Variants in AGBL4 observed in about 807,000 individuals in gnomAD.
AGBL4 encodes cytosolic carboxypeptidase 6.
A neutral mutation model predicts 66.4 loss-of-function variants in AGBL4; 58 were observed. The observed-to-expected ratio is 0.87, with a 90% CI of 0.71 to 1.09. AGBL4 has a LOEUF of 1.09. AGBL4 is among the 50% of genes least tolerant of loss of function. The pLI is 0.00. For synonymous variants in AGBL4, 234 were observed against 222.9 expected, an observed-to-expected ratio of 1.05 and a Z score of -0.44; for missense variants, 579 against 631.0, an observed-to-expected ratio of 0.92 and a Z score of 0.88.
At chr1:49,062,041 G>A (rs1392637581) in intron 4 of AGBL4, among the ~76,000 whole-genome samples, 5 of 152,124 alleles carry the variant, frequency 3.3e-5, no homozygotes, top group African/African-American at 1.2e-4. Context: ...TCATAGGAGT[G>A]CAAACCCTAT....
intron 3 of AGBL4, among the ~76,000 whole-genome samples, chr1:49,604,465 G>T (rs979211260): frequency 2.0e-5 from 3 of 152,102 alleles, no homozygotes; most frequent in Non-Finnish European, 2.9e-5. Context: ...ATAGATACTG[G>T]ATATTAGTCT....
At chr1:49,859,443 A>G (rs1646515303) in intron 1 of AGBL4, among the ~76,000 whole-genome samples, 1 of 152,172 alleles carries the variant, frequency 6.6e-6, no homozygotes, top group Non-Finnish European at 1.5e-5. Context: ...AAATCAATTA[A>G]TGTAATTCAC....
At chr1:48,689,148 G>A (rs1342853015) in intron 6 of AGBL4, among the ~76,000 whole-genome samples, 4 of 146,508 alleles carry the variant, frequency 2.7e-5, no homozygotes, top group African/African-American at 1.0e-4. Flanking sequence ...TTAAACCCAA[G>A]AGATGGAGGT....
chr1:49,029,681 C>A (rs917310092), intron 5 of AGBL4, among the ~76,000 whole-genome samples: 1 of 151,976 alleles, frequency 6.6e-6, no homozygotes, highest in Non-Finnish European at 1.5e-5. Context: ...ATAAGGTGAT[C>A]CTAAAATTCA....
chr1:49,246,628 T>C (rs987659865), intron 3 of AGBL4, among the ~76,000 whole-genome samples: 5 of 151,632 alleles, frequency 3.3e-5, no homozygotes, highest in East Asian at 1.9e-4. Flanking sequence ...TCCAAGAGGA[T>C]AGTATAATTT....
intron 5 of AGBL4, among the ~76,000 whole-genome samples, chr1:49,034,153 C>T (rs1037544109): frequency 6.6e-6 from 1 of 152,036 alleles, no homozygotes; most frequent in Non-Finnish European, 1.5e-5. Context: ...ATTCATCATA[C>T]CATTAAACTA....
chr1:49,900,921 T>G (rs1349273064), intron 1 of AGBL4, among the ~76,000 whole-genome samples: 2 of 152,204 alleles, frequency 1.3e-5, no homozygotes, highest in African/African-American at 2.4e-5. Flanking sequence ...TTACAGATAC[T>G]TTTTTTAGAG....
chr1:48,827,487 G>A (rs1209608515), intron 6 of AGBL4, among the ~76,000 whole-genome samples: 1 of 152,150 alleles, frequency 6.6e-6, no homozygotes, highest in East Asian at 1.9e-4. Context: ...GAAAGCTCTG[G>A]TCTTGTGTCT....
At chr1:48,848,840 C>T (rs940522233) in intron 6 of AGBL4, among the ~76,000 whole-genome samples, 15 of 152,160 alleles carry the variant, frequency 9.9e-5, no homozygotes, top group East Asian at 1.9e-4. Flanking sequence ...GACCTGTGTG[C>T]GCACAGATCC....
At chr1:49,010,498 A>G (rs1433202963) in intron 5 of AGBL4, among the ~76,000 whole-genome samples, 1 of 138,572 alleles carries the variant, frequency 7.2e-6, no homozygotes, top group Non-Finnish European at 1.5e-5. Context: ...CAAGCTACCA[A>G]TGCCTTTCTT....
At chr1:49,760,566 G>A (rs1323237557) in intron 2 of AGBL4, among the ~76,000 whole-genome samples, 1 of 152,162 alleles carries the variant, frequency 6.6e-6, no homozygotes, top group African/African-American at 2.4e-5. Flanking sequence ...CTCTTACATT[G>A]TTGGTGGAAA....
chr1:49,450,753 T>G (rs912069883), intron 3 of AGBL4, among the ~76,000 whole-genome samples: 2 of 152,016 alleles, frequency 1.3e-5, no homozygotes, highest in Admixed American at 6.6e-5. Flanking sequence ...AGGAATAATC[T>G]GCAAGGAAAA....
At chr1:49,810,438 A>G (rs984914286) in intron 2 of AGBL4, among the ~76,000 whole-genome samples, 1 of 152,220 alleles carries the variant, frequency 6.6e-6, no homozygotes, top group Non-Finnish European at 1.5e-5. Flanking sequence ...GATACCACAC[A>G]TCTAATTATA....
intron 9 of AGBL4, among the ~76,000 whole-genome samples, chr1:48,602,218 T>G (rs1441108011): frequency 6.6e-6 from 1 of 151,996 alleles, no homozygotes; most frequent in African/African-American, 2.4e-5. Flanking sequence ...ATGCCAGGAT[T>G]TTTCTTCCTA....
chr1:49,227,662 A>G (rs1650014084), intron 4 of AGBL4, among the ~76,000 whole-genome samples: 1 of 152,204 alleles, frequency 6.6e-6, no homozygotes, highest in South Asian at 2.1e-4. Flanking sequence ...AATTTCTTAC[A>G]TAACAAACCC....
chr1:49,558,701 G>A (rs1050940732), intron 3 of AGBL4, among the ~76,000 whole-genome samples: 3 of 152,120 alleles, frequency 2.0e-5, no homozygotes, highest in African/African-American at 4.8e-5. Flanking sequence ...TGGGCCAGCA[G>A]AGAGCCCAGT....
chr1:49,737,965 A>T (rs1650039827), intron 2 of AGBL4, among the ~76,000 whole-genome samples: 1 of 152,210 alleles, frequency 6.6e-6, no homozygotes, highest in Non-Finnish European at 1.5e-5. Context: ...ACTGTTGGTC[A>T]GTGGGTGCAG....
At chr1:49,323,622 T>C (rs185614165) in intron 3 of AGBL4, among the ~76,000 whole-genome samples, 17 of 151,998 alleles carry the variant, frequency 1.1e-4, no homozygotes, top group Admixed American at 5.2e-4. Flanking sequence ...GCTGTTTCCA[T>C]CACTTAAAAT....
At chr1:49,832,979 C>A (rs1308874649) in intron 2 of AGBL4, among the ~76,000 whole-genome samples, 1 of 151,866 alleles carries the variant, frequency 6.6e-6, no homozygotes, top group Admixed American at 6.6e-5. Flanking sequence ...TTTTGCTGTG[C>A]AGAAGCTCTT....
Sources: allele counts gnomAD v4.1 joint callset (sites outside exome capture counted in the v4.1 genomes callset), GRCh38; gene constraint gnomAD v4.1.1; transcripts MANE v1.5; gene names NCBI Gene and HGNC (gene_info 2026-07-23, HGNC 2026-07-21).